Variants in SARNP observed in about 807,000 individuals in gnomAD.
The protein encoded by SARNP is SAP domain containing ribonucleoprotein.
Under a neutral mutation model 38.1 loss-of-function variants are expected in SARNP, and 5 were observed. The ratio of observed to expected loss-of-function variants is 0.13; its 90% CI spans 0.07 to 0.28. The LOEUF is 0.28. Among genes scored for constraint, SARNP ranks in the 10% least tolerant of loss-of-function variants. The probability of loss-of-function intolerance (pLI) is 1.00; values close to 1 mark genes in which losing one functional copy is unlikely to be tolerated. For missense variants in SARNP, 180 were observed against 243.9 expected, an observed-to-expected ratio of 0.74 and a Z score of 1.75; for synonymous variants, 84 against 80.6, an observed-to-expected ratio of 1.04 and a Z score of -0.23.
At chr12:55,803,590 C>A in intron 2 of SARNP, 39 bp downstream of exon 2, 1 of 1,237,612 alleles carries the variant, frequency 8.1e-7, no homozygotes, top group South Asian at 1.5e-5. Context: ...GCCTGAAAAT[C>A]CCCTCACTCA....
intron 1 of SARNP, among the ~76,000 whole-genome samples, chr12:55,808,759 T>C (rs1228396872): frequency 6.6e-6 from 1 of 151,540 alleles, no homozygotes; most frequent in East Asian, 1.9e-4. Context: ...ATACCTGGCC[T>C]CAAAAGAATG....
chr12:55,783,251 T>C (rs1002646071), intron 9 of SARNP, among the ~76,000 whole-genome samples: 5 of 143,466 alleles, frequency 3.5e-5, no homozygotes, highest in African/African-American at 1.3e-4. Context: ...AAAACCTAGC[T>C]GGCAATCAAT....
At chr12:55,799,240 T>C (rs922450960) in intron 4 of SARNP, among the ~76,000 whole-genome samples, 14 of 152,232 alleles carry the variant, frequency 9.2e-5, no homozygotes, top group African/African-American at 1.2e-4. Flanking sequence ...TACTTGTAAA[T>C]ACACTGCCTT....
In SARNP at chr12:55,794,957, TAAAAAAA is replaced by T. The variant is rs373511418; in HGVS notation, c.304-84_304-78del. The T allele has an allele frequency of 7.9e-3, 1,142 of 145,402 alleles. 21 individuals are homozygous for T. Among genetic ancestry groups the T allele is most frequent in the African/African-American group, 0.043 (1,027 of 24,060 alleles). The allele number at this position is 145,402 out of a possible 1,614,324, so 9.0% of individuals were successfully genotyped here. On this transcript the variant is annotated intron_variant, in intron 5 of 10. Coordinates refer to ENST00000336133, the MANE Select transcript of SARNP (RefSeq NM_033082.4). ...AAAGTCAGTCAGAGGTAGGTATCTT[TAAAAAAA>T]AAAAAAAAAAAAAAAAAAAGAGTCT...
intron 9 of SARNP, chr12:55,760,923 T>TCCTA (rs1237148229): frequency 3.4e-6 from 1 of 297,400 alleles, no homozygotes; most frequent in Non-Finnish European, 6.2e-6. Flanking sequence ...ACACCTGTAA[T>TCCTA]CCTAGCACTT....
chr12:55,783,574 G>C (rs1879401486), intron 9 of SARNP, among the ~76,000 whole-genome samples: 1 of 151,872 alleles, frequency 6.6e-6, no homozygotes, highest in Non-Finnish European at 1.5e-5. Flanking sequence ...TGATGATTTA[G>C]GGGAGGCTGG....
intron 2 of SARNP, among the ~76,000 whole-genome samples, chr12:55,802,069 T>A (rs984536201): frequency 5.9e-5 from 9 of 152,134 alleles, no homozygotes; most frequent in African/African-American, 1.9e-4. Flanking sequence ...ACTTTTTTCA[T>A]GGAGAACATA....
At chr12:55,755,566 T>C (rs1299711673), downstream of SARNP, 4 of 152,134 alleles carry the variant, frequency 2.6e-5, no homozygotes, top group Non-Finnish European at 5.9e-5. Flanking sequence ...GGTACTAAGA[T>C]CTCAGGTAAA....
At chr12:55,758,032 A>G (rs560406582) in intron 10 of SARNP, among the ~76,000 whole-genome samples, 3 of 152,212 alleles carry the variant, frequency 2.0e-5, no homozygotes, top group African/African-American at 7.2e-5. Context: ...ATTCCTTAGG[A>G]CTCCAACCCA....
chr12:55,791,179 G>A (rs993998236), intron 7 of SARNP, among the ~76,000 whole-genome samples: 14 of 152,200 alleles, frequency 9.2e-5, no homozygotes, highest in African/African-American at 3.4e-4. Context: ...CTTAGGGCTG[G>A]GCAGGGAGAG....
chr12:55,811,502 T>G (rs1880326593), intron 1 of SARNP, among the ~76,000 whole-genome samples: 1 of 152,112 alleles, frequency 6.6e-6, no homozygotes, highest in Non-Finnish European at 1.5e-5. Context: ...TCCAGAAGAC[T>G]GAAGCTGCAG....
intron 9 of SARNP, among the ~76,000 whole-genome samples, chr12:55,776,574 T>C (rs997878617): frequency 1.3e-5 from 2 of 152,114 alleles, no homozygotes; most frequent in Non-Finnish European, 1.5e-5. Context: ...GTTGTATTTT[T>C]CCCCCCAAAT....
intron 1 of SARNP, among the ~76,000 whole-genome samples, chr12:55,804,027 A>G (rs1056662128): frequency 2.6e-5 from 4 of 152,142 alleles, no homozygotes; most frequent in African/African-American, 7.2e-5. Context: ...AAATATTCTG[A>G]GGGGGGAAAA....
At chr12:55,771,752 G>C (rs1879014539) in intron 9 of SARNP, among the ~76,000 whole-genome samples, 1 of 152,174 alleles carries the variant, frequency 6.6e-6, no homozygotes, top group Admixed American at 6.6e-5. Flanking sequence ...TCTCAGGCCA[G>C]TCTGATTTCC....
In SARNP at chr12:55,796,072, C is replaced by A. The variant is rs778496961; in HGVS notation, c.256G>T (p.Ala86Ser). The A allele has an allele frequency of 6.2e-7, 1 of 1,607,024 alleles. No homozygotes were observed. Among genetic ancestry groups the A allele is most frequent in the East Asian group, 2.2e-5 (1 of 44,822 alleles). ...EPPEKTVDVA[A>S]EKKVVKITSE... ...GTAATTTTCACCACTTTCTTCTCTG[C>A]TGCCCTAGAAAAGAAAGAGATTTTT... is the stretch of plus-strand genomic sequence containing the variant. The change falls in exon 5 of 11, where the codon GCA becomes TCA. Residue 86 changes from alanine (A) to serine (S), a missense_variant. Coordinates refer to ENST00000336133, the MANE Select transcript of SARNP (RefSeq NM_033082.4).
At chr12:55,774,014 TC>T (rs1418815854) in intron 9 of SARNP, among the ~76,000 whole-genome samples, 1 of 151,958 alleles carries the variant, frequency 6.6e-6, no homozygotes, top group Non-Finnish European at 1.5e-5. Context: ...GGCCCTTTTT[TC>T]TTTTTGAGAC....
At chr12:55,753,795 A>T (rs1026356297), downstream of SARNP, 1 of 149,286 alleles carries the variant, frequency 6.7e-6, no homozygotes, top group Non-Finnish European at 1.5e-5. Context: ...AAAAAAAAAA[A>T]GGAAAGCAGG....
At chr12:55,777,414 G>A (rs1174296835) in intron 9 of SARNP, among the ~76,000 whole-genome samples, 5 of 148,212 alleles carry the variant, frequency 3.4e-5, no homozygotes, top group Admixed American at 6.8e-5. Context: ...TCGCTCTGTC[G>A]CCCAGGCTGG....
At chr12:55,796,693 G>A (rs1045706532) in intron 4 of SARNP, among the ~76,000 whole-genome samples, 3 of 151,946 alleles carry the variant, frequency 2.0e-5, no homozygotes, top group Admixed American at 6.6e-5. Flanking sequence ...ATCAGCCACC[G>A]AGCCCAGCCT....
Sources: gnomAD v4.1 joint callset for allele counts (sites outside exome capture counted in the v4.1 genomes callset) on GRCh38, gnomAD v4.1.1 for gene constraint, MANE v1.5 for transcripts, NCBI Gene and HGNC (gene_info 2026-07-23, HGNC 2026-07-21) for gene names.